SEC22C: variants seen among roughly 807,000 people sequenced by gnomAD.
SEC22C encodes the protein vesicle-trafficking protein SEC22c.
SEC22C carries 29 observed loss-of-function variants against 34.7 expected under a neutral mutation model. That is an observed-to-expected ratio of 0.84 (90% CI 0.62 to 1.14). The LOEUF is 1.14. SEC22C is among the 50% of genes most tolerant of loss of function. The probability of loss-of-function intolerance (pLI) is 0.00; values close to 1 mark genes in which losing one functional copy is unlikely to be tolerated. For missense variants in SEC22C, 337 were observed against 369.0 expected (o/e 0.91, Z 0.71); for synonymous variants, 117 against 132.8 (o/e 0.88, Z 0.82).
At chr3:42,577,155 TG>T (rs747309928) in intron 1 of SEC22C, among the ~76,000 whole-genome samples, 8 of 152,170 alleles carry the variant, frequency 5.3e-5, no homozygotes, top group Non-Finnish European at 8.8e-5. Flanking sequence ...ACTATAAAAC[TG>T]GAAGAAAACA....
chr3:42,572,284 A>G (rs1703688413), intron 1 of SEC22C, among the ~76,000 whole-genome samples: 4 of 152,050 alleles, frequency 2.6e-5, no homozygotes, highest in Admixed American at 2.6e-4. Flanking sequence ...AAGGTAATGC[A>G]TAGCAAAACA....
At chr3:42,554,907 T>C (rs1334760044) in intron 6 of SEC22C, among the ~76,000 whole-genome samples, 1 of 152,112 alleles carries the variant, frequency 6.6e-6, no homozygotes, top group Non-Finnish European at 1.5e-5. Context: ...CAAAACCCTC[T>C]AGTTAATGTT....
chr3:42,577,246 C>T (rs1347245986), intron 1 of SEC22C, among the ~76,000 whole-genome samples: 2 of 152,078 alleles, frequency 1.3e-5, no homozygotes, highest in African/African-American at 2.4e-5. Flanking sequence ...TAAGATAATT[C>T]GGAAAACTGG....
intron 6 of SEC22C, among the ~76,000 whole-genome samples, chr3:42,553,836 AG>A (rs1392232766): frequency 6.6e-6 from 1 of 152,188 alleles, no homozygotes; most frequent in Non-Finnish European, 1.5e-5. Context: ...GTTTTTCTTC[AG>A]GGAGCCAGGA....
intron 1 of SEC22C, among the ~76,000 whole-genome samples, chr3:42,573,015 C>T (rs1052971426): frequency 7.1e-6 from 1 of 140,018 alleles, no homozygotes; most frequent in Non-Finnish European, 1.5e-5. Flanking sequence ...CAGGCACACA[C>T]CACTACTTTT....
chr3:42,591,884 G>A (rs1207310569), intron 1 of SEC22C, among the ~76,000 whole-genome samples: 1 of 152,152 alleles, frequency 6.6e-6, no homozygotes, highest in Non-Finnish European at 1.5e-5. Flanking sequence ...ACAGGGATGG[G>A]GGTGAGAGCA....
chr3:42,551,705 C>T lies in SEC22C; in HGVS notation c.*1543G>A. 4 of 961,480 alleles carry T rather than the reference C, an allele frequency of 4.2e-6. No homozygotes were observed. The highest frequency in any genetic ancestry group is 4.9e-6 in the Non-Finnish European group (4 of 808,212). 59.6% of individuals were successfully genotyped at this position (961,480 alleles called of 1,614,324 possible). A position where few individuals can be genotyped will look rare whatever the true frequency, so the allele number is the denominator to read the frequency against. On this transcript the variant is annotated 3_prime_UTR_variant, in exon 7 of 7. Transcript: ENST00000264454. ...ATTATAAAAAATAAAGTTACTATGGCAACATTTTCCCAACATAGTTCCCAG... is the reference window on the plus strand; with the variant it reads ...ATTATAAAAAATAAAGTTACTATGGTAACATTTTCCCAACATAGTTCCCAG...
intron 1 of SEC22C, among the ~76,000 whole-genome samples, chr3:42,570,209 T>A (rs1341554466): frequency 6.6e-6 from 1 of 152,184 alleles, no homozygotes; most frequent in Non-Finnish European, 1.5e-5. Flanking sequence ...TCTCTGTACC[T>A]CTATGCATTC....
At chr3:42,600,363 CAG>C (rs888987534) in intron 1 of SEC22C, 1 of 152,220 alleles carries the variant, frequency 6.6e-6, no homozygotes, top group Non-Finnish European at 1.5e-5. Context: ...CGCTCGGAAA[CAG>C]AGAAGTCTCG....
rs1355742345 is a variant in SEC22C at position 42,598,928 on chromosome 3, T to TACAG, written c.-28+2031_-28+2032insCTGT. 4.9e-4 allele frequency among the ~76,000 whole-genome samples: 67 copies of TACAG among 137,938 alleles called. 1 individual carries two copies. Among genetic ancestry groups the TACAG allele is most frequent in the African/African-American group, 9.6e-4 (33 of 34,460 alleles). The allele number at this position is 137,938 out of a possible 152,430, so 90.5% of individuals were successfully genotyped here. ...TAATGTGTATATATATCTATAGATC[T>TACAG]ATAGATATCTAGATATCTGTAGATC... On this transcript the variant is annotated intron_variant, in intron 1 of 6. Transcript: ENST00000417572.
Position 42,552,020 on chromosome 3 carries a change from G to T in SEC22C, c.*1228C>A. 1 of 985,378 alleles carries T rather than the reference G, an allele frequency of 1.0e-6. No individual in the cohort carries two copies. The highest frequency in any genetic ancestry group is 1.2e-6 in the Non-Finnish European group (1 of 829,920). 61.0% of individuals were successfully genotyped at this position (985,378 alleles called of 1,614,324 possible). A position where few individuals can be genotyped will look rare whatever the true frequency, so the allele number is the denominator to read the frequency against. On this transcript the variant is annotated 3_prime_UTR_variant, in exon 7 of 7. Transcript: ENST00000264454. The stretch of plus-strand genomic sequence containing the variant: ...AATCCAAAGAGCAAACTCCCAAAAT[G>T]ACCTCCTGCGTGGTACAAAACAAGC...
Position 42,563,529 on chromosome 3 carries a change from C to T in SEC22C, c.340G>A (p.Glu114Lys). The T allele has an allele frequency of 6.2e-7, 1 of 1,608,906 alleles. No homozygotes were observed. The highest frequency in any genetic ancestry group is 8.5e-7 in the Non-Finnish European group (1 of 1,178,516). ...ATGAAAGAGGGTTACAAACCAAACTCAAGAAAAGCGTATGGCCTGGAGGCT... is the reference window on the plus strand; with the variant it reads ...ATGAAAGAGGGTTACAAACCAAACTTAAGAAAAGCGTATGGCCTGGAGGCT... ...GLASRPYAFL[E>K]FDSIIQKVKW... Residue 114 changes from glutamate to lysine, a missense_variant, in exon 3 of 7, where the codon GAG becomes AAG. Physicochemically the swap from Glu to Lys is moderately conservative, Grantham distance 56. Transcript: ENST00000264454.
At position 42,557,580 on chromosome 3, in the gene SEC22C, G is replaced by T. The variant is rs2125699010; in HGVS notation, c.643C>A (p.Gln215Lys). The change falls in exon 5 of 7, where the codon CAG becomes AAG. Residue 215 changes from glutamine (Q) to lysine (K), a missense_variant and splice_region_variant. Transcript: ENST00000264454. ...TTTAAAAAAAAAAAAAAGGTTACCTGTAAAGAATGTTCTGCAAGGTGAACT... is the reference window on the plus strand; with the variant it reads ...TTTAAAAAAAAAAAAAAGGTTACCTTTAAAGAATGTTCTGCAAGGTGAACT... ...RGVHLAEHSL[Q>K]VAHEEIGNIL... 7.5e-6 allele frequency: 11 copies of T among 1,461,682 alleles called. No homozygotes were observed. The highest frequency in any genetic ancestry group is 1.3e-5 in the South Asian group (1 of 79,378). 90.5% of individuals were successfully genotyped at this position (1,461,682 alleles called of 1,614,324 possible). A position where few individuals can be genotyped will look rare whatever the true frequency, so the allele number is the denominator to read the frequency against.
At chr3:42,561,418 TG>T in intron 3 of SEC22C, 122 bp from the exon 4 acceptor site, 1 of 921,858 alleles carries the variant, frequency 1.1e-6, no homozygotes, top group South Asian at 1.6e-5. Context: ...TCGCCCACTC[TG>T]GAGTGCAGTG....
intron 1 of SEC22C, among the ~76,000 whole-genome samples, chr3:42,598,133 T>C (rs1577380636): frequency 6.6e-6 from 1 of 152,154 alleles, no homozygotes; most frequent in African/African-American, 2.4e-5. Context: ...CCCACATTCA[T>C]AACAGTACTA....
Position 42,569,007 on chromosome 3 carries a change from C to T in SEC22C, c.40G>A (p.Asp14Asn). 6.2e-7 allele frequency: 1 copy of T among 1,614,100 alleles called. No homozygotes were observed. The highest frequency in any genetic ancestry group is 8.5e-7 in the Non-Finnish European group (1 of 1,180,012). Residue 14 changes from aspartate to asparagine, a missense_variant, in exon 2 of 7, where the codon GAT becomes AAT. Coordinates refer to ENST00000264454, the MANE Select transcript of SEC22C (RefSeq NM_032970.4). Reference protein sequence around the residue: ...IFFACVVRVRDGLPLSASTDF... With the variant: ...IFFACVVRVRNGLPLSASTDF... The stretch of plus-strand genomic sequence containing the variant: ...GTAGAGGCTGAGAGGGGCAGTCCAT[C>T]CCTTACCCGTACCACGCAGGCAAAA...
At chr3:42,591,071 T>G in intron 1 of SEC22C, 1 of 1,280,560 alleles carries the variant, frequency 7.8e-7, no homozygotes, top group South Asian at 1.3e-5. Flanking sequence ...CAGCTGACTG[T>G]GAAGGGTGCT....
chr3:42,594,987 C>A (rs1272303400), intron 1 of SEC22C: 2 of 152,686 alleles, frequency 1.3e-5, no homozygotes, highest in African/African-American at 4.8e-5. Flanking sequence ...GCTTATTTTT[C>A]TATAAAATAC....
At position 42,568,883 on chromosome 3, in the gene SEC22C, C is replaced by T; in HGVS notation, c.164G>A (p.Gly55Asp). 1 of 1,614,156 alleles carries T rather than the reference C, an allele frequency of 6.2e-7. No homozygotes were observed. The highest frequency in any genetic ancestry group is 8.5e-7 in the Non-Finnish European group (1 of 1,180,000). The change falls in exon 2 of 7, where the codon GGT becomes GAT. Residue 55 changes from glycine (G) to aspartate (D), a missense_variant. Coordinates refer to ENST00000264454, the MANE Select transcript of SEC22C (RefSeq NM_032970.4). ...AQYPGRGSAEGCDFSIHFSSF... is the reference protein window; with the variant it reads ...AQYPGRGSAEDCDFSIHFSSF... ...CACTTACTGTATACTAAAGTCACAA[C>T]CTTCTGCAGAACCTCGACCTGGATA...
Sources: gnomAD v4.1 joint callset for allele counts (sites outside exome capture counted in the v4.1 genomes callset) on GRCh38, gnomAD v4.1.1 for gene constraint, MANE v1.5 for transcripts, NCBI Gene and HGNC (gene_info 2026-07-23, HGNC 2026-07-21) for gene names.